LCP1: variants seen among roughly 807,000 people sequenced by gnomAD.
LCP1 encodes the protein lymphocyte cytosolic protein 1.
In LCP1, 23 loss-of-function variants were observed where a neutral mutation model predicts 72.0. The observed-to-expected ratio is 0.32, with a 90% CI of 0.23 to 0.45. The LOEUF is 0.45. Ranked by LOEUF, LCP1 falls within the 20% of genes least tolerant of loss-of-function variation. The probability of loss-of-function intolerance (pLI) is 1.00; values close to 1 mark genes in which losing one functional copy is unlikely to be tolerated. For synonymous variants in LCP1, 245 were observed against 275.4 expected, an observed-to-expected ratio of 0.89 and a Z score of 1.09; for missense variants, 571 against 748.3, an observed-to-expected ratio of 0.76 and a Z score of 2.76.
intron 1 of LCP1, among the ~76,000 whole-genome samples, chr13:46,172,588 G>A (rs2045909812): frequency 6.6e-6 from 1 of 152,232 alleles, no homozygotes; most frequent in Non-Finnish European, 1.5e-5. Context: ...TGTGGCTACA[G>A]ACAGGGATGC....
At chr13:46,153,244 T>C (rs1470767659) in intron 6 of LCP1, 3 of 205,780 alleles carry the variant, frequency 1.5e-5, no homozygotes, top group African/African-American at 2.3e-5. Flanking sequence ...TGCTCTGTGA[T>C]GAAGCTGACA....
intron 6 of LCP1, among the ~76,000 whole-genome samples, chr13:46,153,546 C>G (rs1457820450): frequency 6.6e-6 from 1 of 151,762 alleles, no homozygotes; most frequent in African/African-American, 2.4e-5. Flanking sequence ...ACTAAAAATA[C>G]AAAAATTAGC....
intron 1 of LCP1, among the ~76,000 whole-genome samples, chr13:46,179,612 C>T (rs1029989704): frequency 1.4e-4 from 21 of 151,972 alleles, no homozygotes; most frequent in Admixed American, 2.0e-4. Flanking sequence ...TCTTGAAGTC[C>T]GCCTTGAAAA....
rs569700867 is a variant in LCP1 at position 46,175,654 on chromosome 13, A to G, written c.-25+6457T>C. Among the ~76,000 whole-genome samples, 5 of 152,330 alleles carry G rather than the reference A, an allele frequency of 3.3e-5. No individual in the cohort carries two copies. The South Asian group carries it at 1.0e-3, about 32-fold the overall frequency. ...ACTGTCATTCTCAGTGGTCACAGAA[A>G]AGAAACAGAATCCATGATATTTTGA... On this transcript the variant is annotated intron_variant, in intron 1 of 15. Transcript: ENST00000323076.
At chr13:46,130,724 G>A in intron 15 of LCP1, 90 bp downstream of exon 15, 1 of 1,428,440 alleles carries the variant, frequency 7.0e-7, no homozygotes, top group South Asian at 1.3e-5. Flanking sequence ...TGAAATGTTT[G>A]TATAAAGGCA....
At chr13:46,160,818 G>A (rs1311975308) in intron 1 of LCP1, among the ~76,000 whole-genome samples, 1 of 152,110 alleles carries the variant, frequency 6.6e-6, no homozygotes, top group Non-Finnish European at 1.5e-5. Flanking sequence ...GGAGTGTGGG[G>A]GTTGGGGTGT....
At chr13:46,136,301 A>G (rs140631598) in intron 13 of LCP1, among the ~76,000 whole-genome samples, 132 of 152,258 alleles carry the variant, frequency 8.7e-4, no homozygotes, top group Non-Finnish European at 1.7e-3. Flanking sequence ...TGCACAGTGT[A>G]TTCATCAGTA....
chr13:46,169,089 G>A (rs934018291), intron 1 of LCP1, among the ~76,000 whole-genome samples: 15 of 152,186 alleles, frequency 9.9e-5, no homozygotes, highest in African/African-American at 3.4e-4. Flanking sequence ...TAAAGGACAT[G>A]CCTAACATCA....
intron 15 of LCP1, 40 bp from the exon 16 acceptor site, chr13:46,127,763 A>AAACAC: frequency 6.2e-7 from 1 of 1,612,420 alleles, no homozygotes; most frequent in Non-Finnish European, 8.5e-7. Context: ...AGAGCCTGAG[A>AAACAC]AACACAACAC....
chr13:46,155,121 C>T (rs1322605385), intron 5 of LCP1, among the ~76,000 whole-genome samples: 1 of 152,196 alleles, frequency 6.6e-6, no homozygotes, highest in Non-Finnish European at 1.5e-5. Flanking sequence ...CCACTTCATT[C>T]TCCCACCTAA....
At position 46,156,426 on chromosome 13, in the gene LCP1, A is replaced by G. The variant is rs768148564; in HGVS notation, c.491+12T>C. ...GCAATTCTTTGGAAACCAAGAAAGAAGTATTATTTACCAAAGGACAATGCC... is the reference window on the plus strand; with the variant it reads ...GCAATTCTTTGGAAACCAAGAAAGAGGTATTATTTACCAAAGGACAATGCC... On this transcript the variant is annotated intron_variant, in intron 5 of 15. Coordinates refer to ENST00000323076, the MANE Select transcript of LCP1 (RefSeq NM_002298.5). 1.9e-6 allele frequency: 3 copies of G among 1,608,910 alleles called. No individual in the cohort carries two copies. Among genetic ancestry groups the G allele is most frequent in the Non-Finnish European group, 1.7e-6 (2 of 1,176,996 alleles).
rs1437506201 is a variant in LCP1 at position 46,126,482 on chromosome 13, G to A, written c.*1109C>T. 6 of 232,766 alleles carry A rather than the reference G, an allele frequency of 2.6e-5. No homozygotes were observed. The highest frequency in any genetic ancestry group is 1.8e-4 in the East Asian group (3 of 16,454). 14.4% of individuals were successfully genotyped at this position (232,766 alleles called of 1,614,324 possible). A position where few individuals can be genotyped will look rare whatever the true frequency, so the allele number is the denominator to read the frequency against. On this transcript the variant is annotated 3_prime_UTR_variant, in exon 16 of 16. Transcript: ENST00000323076. Reference sequence around the variant, plus strand: ...GGCTAGGTGTGTGTGTATGTGAGTAGGGGTGCTATTGATTGGCACATATTG... The same window carrying A: ...GGCTAGGTGTGTGTGTATGTGAGTAAGGGTGCTATTGATTGGCACATATTG...
At chr13:46,156,987 A>AT (rs2045805987) in intron 4 of LCP1, among the ~76,000 whole-genome samples, 1 of 151,488 alleles carries the variant, frequency 6.6e-6, no homozygotes, top group Non-Finnish European at 1.5e-5. Context: ...CACCCAGCTA[A>AT]TTTTTTGTAT....
intron 14 of LCP1, among the ~76,000 whole-genome samples, 199 bp from the exon 15 acceptor site, chr13:46,131,137 G>A (rs185977260): frequency 4.7e-4 from 71 of 152,234 alleles, no homozygotes; most frequent in Admixed American, 9.2e-4. Flanking sequence ...AAAACCCACC[G>A]TCTACCAACA....
At chr13:46,175,133 T>G (rs188399416) in intron 1 of LCP1, among the ~76,000 whole-genome samples, 1 of 152,318 alleles carries the variant, frequency 6.6e-6, no homozygotes. Context: ...AGGATATAAT[T>G]AATAACAACT....
chr13:46,158,578 C>T lies in LCP1; in HGVS notation c.302G>A (p.Cys101Tyr), dbSNP rs770630977. 26 of 1,614,074 alleles carry T rather than the reference C, an allele frequency of 1.6e-5. No individual in the cohort carries two copies. Among genetic ancestry groups the T allele is most frequent in the Non-Finnish European group, 2.1e-5 (25 of 1,180,040 alleles). The change falls in exon 4 of 16, where the codon TGT becomes TAT. Residue 101 changes from cysteine to tyrosine, a missense_variant. Coordinates refer to ENST00000323076, the MANE Select transcript of LCP1 (RefSeq NM_002298.5). The stretch of plus-strand genomic sequence containing the variant: ...CTGCTCTGAAGTACCACCGATTGCA[C>T]AAATCCCTTCCTTCTTATTGATTGC... ...RKAINKKEGI[C>Y]AIGGTSEQSS...
In LCP1 at chr13:46,162,150, C is replaced by T. The variant is rs1481365640; in HGVS notation, c.-24-2464G>A. 3.9e-5 allele frequency among the ~76,000 whole-genome samples: 6 copies of T among 152,176 alleles called. No individual in the cohort carries two copies. The South Asian group carries it at 8.3e-4, about 21-fold the overall frequency. On this transcript the variant is annotated intron_variant, in intron 1 of 15. Coordinates refer to ENST00000323076, the MANE Select transcript of LCP1 (RefSeq NM_002298.5). ...AAACTCCAATCCCCAAGTCTTTTCT[C>T]CTCTCCCAGGCTGTCTACTCGGGTT...
At chr13:46,166,625 C>T (rs938881519) in intron 1 of LCP1, among the ~76,000 whole-genome samples, 2 of 152,122 alleles carry the variant, frequency 1.3e-5, no homozygotes, top group Admixed American at 1.3e-4. Context: ...AACACATCAT[C>T]TAGAATAACA....
In LCP1 at chr13:46,134,196, G is replaced by T. The variant is rs762012540; in HGVS notation, c.1557C>A (p.Asp519Glu). 2.5e-6 allele frequency: 4 copies of T among 1,612,676 alleles called. No individual in the cohort carries two copies. The South Asian group carries it at 4.4e-5, about 18-fold the overall frequency. The change falls in exon 14 of 16, where the codon GAC (aspartate) becomes GAA (glutamate). Residue 519 changes from aspartate to glutamate, a missense_variant. Asp to Glu is a conservative substitution (Grantham distance 45). Coordinates refer to ENST00000323076, the MANE Select transcript of LCP1 (RefSeq NM_002298.5). ...TTTCATTCACCCAGTTGACAATAATGTCATCATTGACCTTCTGGCCACCAC... is the reference window on the plus strand; with the variant it reads ...TTTCATTCACCCAGTTGACAATAATTTCATCATTGACCTTCTGGCCACCAC... The part of the protein sequence containing the change: ...EIGGGQKVND[D>E]IIVNWVNETL...
Sources: gnomAD v4.1 joint callset for allele counts (sites outside exome capture counted in the v4.1 genomes callset) on GRCh38, gnomAD v4.1.1 for gene constraint, MANE v1.5 for transcripts, NCBI Gene and HGNC (gene_info 2026-07-23, HGNC 2026-07-21) for gene names.